The following SORCS2 variants were observed in gnomAD, a reference collection of about 807,000 sequenced individuals.
The protein encoded by SORCS2 is sortilin related VPS10 domain containing receptor 2.
Under a neutral mutation model 141.6 loss-of-function variants are expected in SORCS2, and 100 were observed. The ratio of observed to expected loss-of-function variants is 0.71; its 90% CI spans 0.60 to 0.83. SORCS2 has a LOEUF of 0.83. Among genes scored for constraint, SORCS2 ranks in the 40% least tolerant of loss-of-function variants. The pLI, the probability that SORCS2 is intolerant of heterozygous loss-of-function variation, is 0.00. For missense variants in SORCS2, 1,646 were observed against 1,560.2 expected (o/e 1.05, Z -0.93); for synonymous variants, 789 against 676.9 (o/e 1.17, Z -2.57).
chr4:7,445,789 G>A (rs60438277), intron 2 of SORCS2, among the ~76,000 whole-genome samples: 79,312 of 152,000 alleles, frequency 0.52, 21,719 homozygotes, highest in Non-Finnish European at 0.59. Context: ...GGCTGGATAC[G>A]TCGGGAAGTA....
chr4:7,325,293 CAG>C (rs1359359083), intron 1 of SORCS2, among the ~76,000 whole-genome samples: 4 of 152,178 alleles, frequency 2.6e-5, no homozygotes, highest in African/African-American at 9.7e-5. Context: ...CCATGAGCCT[CAG>C]TGTCTGCGTC....
At chr4:7,494,022 CACACACACACAG>C (rs1290935297) in intron 2 of SORCS2, among the ~76,000 whole-genome samples, 7 of 137,042 alleles carry the variant, frequency 5.1e-5, no homozygotes, top group Admixed American at 1.4e-4. Context: ...CACACATTCA[CACACACACACAG>C]ACACACACAC....
At chr4:7,682,078 T>C (rs1723558229) in intron 9 of SORCS2, among the ~76,000 whole-genome samples, 1 of 152,244 alleles carries the variant, frequency 6.6e-6, no homozygotes, top group Admixed American at 6.5e-5. Context: ...GTGAAGTTGC[T>C]GATAGTTGCA....
intron 8 of SORCS2, among the ~76,000 whole-genome samples, chr4:7,667,632 A>G (rs1042153551): frequency 1.3e-5 from 2 of 151,842 alleles, no homozygotes; most frequent in African/African-American, 4.8e-5. Context: ...CTCTCCTCTG[A>G]TATTGCTGGG....
chr4:7,460,831 T>C (rs183269839), intron 2 of SORCS2, among the ~76,000 whole-genome samples: 254 of 152,300 alleles, frequency 1.7e-3, no homozygotes, highest in Middle Eastern at 3.4e-3. Flanking sequence ...GCCGTGACCC[T>C]GCCGTGAACT....
intron 23 of SORCS2, among the ~76,000 whole-genome samples, chr4:7,731,954 A>T (rs1172822377): frequency 2.6e-5 from 4 of 152,226 alleles, no homozygotes; most frequent in Non-Finnish European, 4.4e-5. Context: ...GACAAACAGG[A>T]TGTCAAACCA....
intron 3 of SORCS2, among the ~76,000 whole-genome samples, chr4:7,584,153 C>T (rs1251555325): frequency 1.3e-5 from 2 of 152,218 alleles, no homozygotes; most frequent in African/African-American, 4.8e-5. Flanking sequence ...TGTTGCATAG[C>T]AGGTGTTCCA....
chr4:7,509,617 G>T (rs564313051), intron 2 of SORCS2, among the ~76,000 whole-genome samples: 1 of 152,350 alleles, frequency 6.6e-6, no homozygotes, highest in South Asian at 2.1e-4. Flanking sequence ...CAGGGGGCTG[G>T]GGTGAACCAC....
chr4:7,546,290 A>C (rs1385152890), intron 3 of SORCS2, among the ~76,000 whole-genome samples: 3 of 152,148 alleles, frequency 2.0e-5, no homozygotes, highest in African/African-American at 7.2e-5. Flanking sequence ...TCAATTCACC[A>C]AGGCCTCCCT....
chr4:7,366,235 C>A (rs530622632), intron 1 of SORCS2, among the ~76,000 whole-genome samples: 1 of 152,188 alleles, frequency 6.6e-6, no homozygotes, highest in Non-Finnish European at 1.5e-5. Context: ...TTCCTCCCTT[C>A]CGTCCTTCCC....
In SORCS2 at chr4:7,714,833, G is replaced by C. The variant is rs556475610; in HGVS notation, c.2124-350G>C. Among the ~76,000 whole-genome samples the C allele has an allele frequency of 1.7e-4, 26 of 152,216 alleles. 1 individual carries two copies. Among genetic ancestry groups the C allele is most frequent in the Admixed American group, 1.2e-3 (18 of 15,288 alleles). The stretch of plus-strand genomic sequence containing the variant: ...TCACCCCTCCTCATCATGCCCCCTG[G>C]CATTGCAGCCTCCTCCACCTGTACT... On this transcript the variant is annotated intron_variant, in intron 16 of 26. Transcript: ENST00000507866.
At chr4:7,291,662 A>C (rs1451094720) in intron 1 of SORCS2, among the ~76,000 whole-genome samples, 1 of 152,136 alleles carries the variant, frequency 6.6e-6, no homozygotes, top group Admixed American at 6.5e-5. Flanking sequence ...TGTGTGAAAG[A>C]GTCTCCGAGA....
chr4:7,222,223 A>T (rs1728747324), intron 1 of SORCS2, among the ~76,000 whole-genome samples: 1 of 152,204 alleles, frequency 6.6e-6, no homozygotes, highest in African/African-American at 2.4e-5. Flanking sequence ...ATGGTACCTA[A>T]AGGTGAGACA....
chr4:7,337,522 C>T (rs6825503), intron 1 of SORCS2, among the ~76,000 whole-genome samples: 76,255 of 151,840 alleles, frequency 0.5, 19,395 homozygotes, highest in East Asian at 0.57. Flanking sequence ...CTGAGGGCAG[C>T]GGAGACCTGG....
At chr4:7,502,962 C>T in intron 2 of SORCS2, among the ~76,000 whole-genome samples, 1 of 152,202 alleles carries the variant, frequency 6.6e-6, no homozygotes, top group East Asian at 1.9e-4. Context: ...TCTGTCTACT[C>T]CTTTATTTCT....
chr4:7,245,350 C>T lies in SORCS2; in HGVS notation c.480+52224C>T, dbSNP rs73206414. On this transcript the variant is annotated intron_variant, in intron 1 of 26. Coordinates refer to ENST00000507866, the MANE Select transcript of SORCS2 (RefSeq NM_020777.3). ...TGCGGTTCTCATCCCTGCTGCACAC[C>T]GGAGGTGGCCTGGAGCTCCTTGCTC... Among the ~76,000 whole-genome samples, 868 of 152,324 alleles carry T rather than the reference C, an allele frequency of 5.7e-3. 3 individuals carry two copies. The highest frequency in any genetic ancestry group is 9.1e-3 in the Non-Finnish European group (620 of 68,032).
intron 18 of SORCS2, 54 bp from the exon 19 acceptor site, chr4:7,723,643 G>T: frequency 6.3e-7 from 1 of 1,587,176 alleles, no homozygotes; most frequent in Non-Finnish European, 8.6e-7. Context: ...GAACCACTCT[G>T]GCCCCTCAGC....
Position 7,664,215 on chromosome 4 carries a change from C to G in SORCS2, c.953-138C>G. 1 of 655,024 alleles carries G rather than the reference C, an allele frequency of 1.5e-6. No individual in the cohort carries two copies. The highest frequency in any genetic ancestry group is 2.8e-5 in the East Asian group (1 of 35,612). 40.6% of individuals were successfully genotyped at this position (655,024 alleles called of 1,614,324 possible). A position where few individuals can be genotyped will look rare whatever the true frequency, so the allele number is the denominator to read the frequency against. On this transcript the variant is annotated intron_variant, in intron 6 of 26. Coordinates refer to ENST00000507866, the MANE Select transcript of SORCS2 (RefSeq NM_020777.3). The surrounding 1 kb of genome is among the most constrained non-coding windows in gnomAD (Gnocchi z 4.7). ...TGACACCCTCAGCCGCAGGTGTCAT[C>G]ACGGTGGCCTTTAGAATTCAAGCCC...
At chr4:7,227,197 G>A (rs375537581) in intron 1 of SORCS2, among the ~76,000 whole-genome samples, 27 of 152,332 alleles carry the variant, frequency 1.8e-4, no homozygotes, top group African/African-American at 5.1e-4. Context: ...GAACCCAGAG[G>A]CCAGCAGTGC....
Sources: gnomAD v4.1 joint callset for allele counts (sites outside exome capture counted in the v4.1 genomes callset) on GRCh38, gnomAD v4.1.1 for gene constraint, Gnocchi (gnomAD v3.1) non-coding constraint, MANE v1.5 for transcripts, NCBI Gene and HGNC (gene_info 2026-07-23, HGNC 2026-07-21) for gene names.